Variants in ANO3 observed in about 807,000 individuals in gnomAD.
The protein encoded by ANO3 is anoctamin 3.
Under a neutral mutation model 144.8 loss-of-function variants are expected in ANO3, and 99 were observed. The observed-to-expected ratio is 0.68, with a 90% confidence interval of 0.58 to 0.81. ANO3 has a LOEUF of 0.81. Ranked by LOEUF, ANO3 falls within the 30% of genes least tolerant of loss-of-function variation. The probability of loss-of-function intolerance (pLI) is 0.00; values close to 1 mark genes in which losing one functional copy is unlikely to be tolerated. For synonymous variants in ANO3, 414 were observed against 392.6 expected (o/e 1.05, Z -0.64); for missense variants, 905 against 1,202.2 (o/e 0.75, Z 3.66).
chr11:26,657,514 G>A (rs910056000), intron 26 of ANO3, among the ~76,000 whole-genome samples: 2 of 152,024 alleles, frequency 1.3e-5, no homozygotes, highest in Non-Finnish European at 2.9e-5. Context: ...TAGAGTGCAT[G>A]GATTCAAAGC....
intron 14 of ANO3, among the ~76,000 whole-genome samples, chr11:26,577,591 G>A (rs1274359370): frequency 1.3e-5 from 2 of 151,270 alleles, no homozygotes; most frequent in African/African-American, 4.9e-5. Flanking sequence ...GAGAGAGAGA[G>A]AGAAAGTATT....
chr11:26,191,208 G>A (rs552287412), intron 1 of ANO3, among the ~76,000 whole-genome samples: 1 of 151,992 alleles, frequency 6.6e-6, no homozygotes, highest in African/African-American at 2.4e-5. Flanking sequence ...GACCCGGGAG[G>A]TGGAGGTTGT....
intron 1 of ANO3, among the ~76,000 whole-genome samples, chr11:26,221,025 T>A (rs1248528116): frequency 6.6e-6 from 1 of 152,206 alleles, no homozygotes; most frequent in East Asian, 1.9e-4. Flanking sequence ...TTTAGCCAAG[T>A]CTCATTTATG....
chr11:26,503,883 A>T (rs1861299358), intron 4 of ANO3, among the ~76,000 whole-genome samples: 1 of 150,634 alleles, frequency 6.6e-6, no homozygotes, highest in African/African-American at 2.5e-5. Context: ...GAATACTTTT[A>T]AAAACCTTTT....
intron 5 of ANO3, among the ~76,000 whole-genome samples, chr11:26,512,401 C>T (rs1861699303): frequency 6.6e-6 from 1 of 152,162 alleles, no homozygotes; most frequent in African/African-American, 2.4e-5. Context: ...AGAATAGTGC[C>T]AGATTGGCAG....
At chr11:26,579,434 T>C (rs1463168066) in intron 14 of ANO3, among the ~76,000 whole-genome samples, 1 of 152,158 alleles carries the variant, frequency 6.6e-6, no homozygotes, top group Non-Finnish European at 1.5e-5. Context: ...AATTTATTCA[T>C]GACCTGAAGA....
intron 21 of ANO3, 90 bp from the exon 22 acceptor site, chr11:26,641,806 T>G: frequency 7.8e-7 from 1 of 1,285,486 alleles, no homozygotes; most frequent in Admixed American, 2.8e-5. Flanking sequence ...GGAGCTGGAA[T>G]TGGTTTTACT....
chr11:26,509,480 G>A (rs1326292063), intron 5 of ANO3, among the ~76,000 whole-genome samples: 1 of 151,632 alleles, frequency 6.6e-6, no homozygotes, highest in Admixed American at 6.6e-5. Context: ...GCCCACCTAA[G>A]TTTTGTATTT....
At chr11:26,351,833 G>C (rs1036566914) in intron 1 of ANO3, among the ~76,000 whole-genome samples, 9 of 152,162 alleles carry the variant, frequency 5.9e-5, no homozygotes, top group African/African-American at 1.9e-4. Flanking sequence ...AACAGTGTTA[G>C]GCTAAATTTA....
chr11:26,204,219 C>A (rs1254790717), intron 1 of ANO3, among the ~76,000 whole-genome samples: 1 of 152,068 alleles, frequency 6.6e-6, no homozygotes, highest in Non-Finnish European at 1.5e-5. Context: ...TCACACACAC[C>A]CCTTATTATA....
chr11:26,382,017 ACT>A (rs761825378), intron 1 of ANO3, among the ~76,000 whole-genome samples: 2 of 152,040 alleles, frequency 1.3e-5, no homozygotes, highest in South Asian at 2.1e-4. Context: ...TAATACATTC[ACT>A]CTCTATTTCA....
At chr11:26,214,611 A>C (rs1426123472) in intron 1 of ANO3, among the ~76,000 whole-genome samples, 1 of 151,916 alleles carries the variant, frequency 6.6e-6, no homozygotes, top group Non-Finnish European at 1.5e-5. Context: ...ATAAACTTTT[A>C]GTTTTAGAAC....
intron 14 of ANO3, among the ~76,000 whole-genome samples, chr11:26,570,576 G>A (rs1590563322): frequency 6.6e-6 from 1 of 152,120 alleles, no homozygotes; most frequent in African/African-American, 2.4e-5. Flanking sequence ...CATCAGTTCA[G>A]GTATACTGCA....
chr11:26,586,771 G>A (rs562680629), intron 14 of ANO3, among the ~76,000 whole-genome samples: 33 of 144,340 alleles, frequency 2.3e-4, no homozygotes, highest in African/African-American at 7.6e-4. Flanking sequence ...CAAACTGCTG[G>A]GATTACAGGA....
intron 17 of ANO3, among the ~76,000 whole-genome samples, chr11:26,612,851 G>A (rs1338219751): frequency 6.6e-6 from 1 of 151,872 alleles, no homozygotes; most frequent in African/African-American, 2.4e-5. Context: ...AGTTTCTGTT[G>A]AGAAATCTGC....
chr11:26,309,772 A>G (rs764866158), intron 1 of ANO3: 3 of 904,534 alleles, frequency 3.3e-6, no homozygotes, highest in Non-Finnish European at 4.0e-6. Context: ...GTTCTTCAAT[A>G]TAATGTGGTA....
intron 6 of ANO3, among the ~76,000 whole-genome samples, chr11:26,523,472 T>G (rs398191): frequency 6.6e-6 from 1 of 152,194 alleles, no homozygotes. Context: ...GCTACCTCCC[T>G]TCATGTTTAC....
In ANO3 at chr11:26,536,451, T is replaced by A. The variant is rs1849511968; in HGVS notation, c.977-955T>A. ...ATGACATTATAAATAATTATAAGGG[T>A]ATCATTCCCTTTGTAGTAAATACAG... On this transcript the variant is annotated intron_variant, in intron 9 of 26. Coordinates refer to ENST00000256737, the MANE Select transcript of ANO3 (RefSeq NM_031418.4). 2.0e-5 allele frequency among the ~76,000 whole-genome samples: 3 copies of A among 152,050 alleles called. No individual in the cohort carries two copies. The South Asian group carries it at 6.2e-4, about 32-fold the overall frequency.
At chr11:26,369,551 A>G (rs1038992828) in intron 1 of ANO3, among the ~76,000 whole-genome samples, 1 of 152,112 alleles carries the variant, frequency 6.6e-6, no homozygotes, top group South Asian at 2.1e-4. Context: ...CATTCAGTCA[A>G]TTATCAAGTT....
Sources: gnomAD v4.1 joint callset for allele counts (sites outside exome capture counted in the v4.1 genomes callset) on GRCh38, gnomAD v4.1.1 for gene constraint, MANE v1.5 for transcripts, NCBI Gene and HGNC (gene_info 2026-07-23, HGNC 2026-07-21) for gene names.